The following DCC variants were observed in gnomAD, a reference collection of about 807,000 sequenced individuals.
DCC encodes netrin receptor DCC.
In DCC, 58 loss-of-function variants were observed where a neutral mutation model predicts 172.5. The ratio of observed to expected loss-of-function variants is 0.34; its 90% CI spans 0.27 to 0.42. The LOEUF (loss-of-function observed/expected upper bound fraction) is 0.42, where lower values mean the gene tolerates loss of function less well. Among genes scored for constraint, DCC ranks in the 10% least tolerant of loss-of-function variants. The pLI, the probability that DCC is intolerant of heterozygous loss-of-function variation, is 1.00. For synonymous variants in DCC, 709 were observed against 644.5 expected (o/e 1.10, Z -1.52); for missense variants, 1,740 against 1,791.0 (o/e 0.97, Z 0.51).
At chr18:53,453,546 GT>G (rs34090148) in intron 23 of DCC, among the ~76,000 whole-genome samples, 73,292 of 151,884 alleles carry the variant, frequency 0.48, 18,719 homozygotes, top group Non-Finnish European at 0.58. Flanking sequence ...TCTTATTCAG[GT>G]TAAGTGTCTA....
intron 1 of DCC, among the ~76,000 whole-genome samples, chr18:52,448,083 G>A (rs114572142): frequency 0.026 from 3,947 of 152,224 alleles, 138 homozygotes; most frequent in African/African-American, 0.077. Context: ...TAGGAACCGG[G>A]CCGCACAGCA....
Position 52,426,236 on chromosome 18 carries a change from T to C in DCC, c.91+85358T>C, listed in dbSNP as rs1357072958. ...TATCATCTCCACGGCAATGAGAACA[T>C]AATGAAGGTGGCTGATTGTGCATGA... On this transcript the variant is annotated intron_variant, in intron 1 of 28. Coordinates refer to ENST00000442544, the MANE Select transcript of DCC (RefSeq NM_005215.4). Among the ~76,000 whole-genome samples the C allele has an allele frequency of 3.3e-5, 5 of 151,858 alleles. No individual in the cohort carries two copies. In the South Asian group the frequency reaches 6.2e-4, roughly 19 times the overall value.
At chr18:52,649,945 TGGG>T (rs2035096763) in intron 1 of DCC, among the ~76,000 whole-genome samples, 1 of 151,064 alleles carries the variant, frequency 6.6e-6, no homozygotes. Context: ...CACCCAGCAG[TGGG>T]ATTTCTGAAT....
chr18:52,623,675 T>G (rs1453263083), intron 1 of DCC, among the ~76,000 whole-genome samples: 1 of 152,152 alleles, frequency 6.6e-6, no homozygotes, highest in African/African-American at 2.4e-5. Flanking sequence ...CTAAACAAGG[T>G]TATTCAAGGA....
intron 1 of DCC, among the ~76,000 whole-genome samples, chr18:52,738,396 T>C (rs2036761299): frequency 6.6e-6 from 1 of 152,190 alleles, no homozygotes; most frequent in Non-Finnish European, 1.5e-5. Flanking sequence ...CAGCATGTTA[T>C]TGTACTAAAT....
intron 7 of DCC, among the ~76,000 whole-genome samples, chr18:53,129,991 C>T (rs1187995829): frequency 6.6e-6 from 1 of 152,044 alleles, no homozygotes; most frequent in East Asian, 1.9e-4. Context: ...GAAGCCTATT[C>T]ATCTTCATCA....
chr18:53,273,754 T>A (rs1406336064), intron 12 of DCC, among the ~76,000 whole-genome samples: 1 of 151,886 alleles, frequency 6.6e-6, no homozygotes, highest in South Asian at 2.1e-4. Flanking sequence ...TTACCCCAGT[T>A]ATTTCAATAT....
chr18:52,591,787 C>CTT (rs370150482), intron 1 of DCC, among the ~76,000 whole-genome samples: 2,417 of 125,098 alleles, frequency 0.019, 41 homozygotes, highest in South Asian at 0.03. Context: ...TTATTTATTT[C>CTT]TTTTTTTTTT....
chr18:53,524,700 T>C (rs1383411414), intron 27 of DCC, among the ~76,000 whole-genome samples: 2 of 152,050 alleles, frequency 1.3e-5, no homozygotes, highest in African/African-American at 4.8e-5. Flanking sequence ...TTATAGTCCT[T>C]GAACTAGATT....
At chr18:53,067,677 C>A (rs1311228416) in intron 7 of DCC, among the ~76,000 whole-genome samples, 6 of 152,144 alleles carry the variant, frequency 3.9e-5, no homozygotes, top group Admixed American at 3.3e-4. Flanking sequence ...AAAACAGGGA[C>A]AAGACAGTTG....
intron 20 of DCC, 44 bp downstream of exon 20, chr18:53,410,690 G>T (rs759078308): frequency 1.6e-6 from 2 of 1,241,582 alleles, no homozygotes; most frequent in Non-Finnish European, 2.4e-6. Context: ...CTGTGGGATT[G>T]TTATAAAATA....
intron 12 of DCC, among the ~76,000 whole-genome samples, chr18:53,250,927 C>A (rs2056422821): frequency 6.6e-6 from 1 of 151,936 alleles, no homozygotes; most frequent in Non-Finnish European, 1.5e-5. Flanking sequence ...TCCGTGACCT[C>A]TATGCTGTTC....
Position 52,610,198 on chromosome 18 carries a change from T to A in DCC, c.92-141856T>A, listed in dbSNP as rs560836651. 3.1e-3 allele frequency among the ~76,000 whole-genome samples: 112 copies of A among 35,566 alleles called. 9 individuals are homozygous for A. Among genetic ancestry groups the A allele is most frequent in the Non-Finnish European group, 5.2e-3 (96 of 18,422 alleles). The allele number at this position is 35,566 out of a possible 152,430, so 23.3% of individuals were successfully genotyped here. Reference sequence around the variant, plus strand: ...AAAAAAATATATATATATATATATATATATATATATATATATATATATATA... The same window carrying A: ...AAAAAAATATATATATATATATATAAATATATATATATATATATATATATA... On this transcript the variant is annotated intron_variant, in intron 1 of 28. Coordinates refer to ENST00000442544, the MANE Select transcript of DCC (RefSeq NM_005215.4).
At chr18:52,662,084 T>C (rs2035370329) in intron 1 of DCC, among the ~76,000 whole-genome samples, 1 of 152,212 alleles carries the variant, frequency 6.6e-6, no homozygotes, top group African/African-American at 2.4e-5. Flanking sequence ...TCTAGGACAG[T>C]GATTCTCTAA....
At chr18:52,819,257 A>G (rs778702452) in intron 2 of DCC, among the ~76,000 whole-genome samples, 10 of 152,210 alleles carry the variant, frequency 6.6e-5, no homozygotes, top group Non-Finnish European at 1.0e-4. Flanking sequence ...CATTGGTTCT[A>G]AAATATGCTT....
intron 3 of DCC, among the ~76,000 whole-genome samples, chr18:52,921,705 A>AAATAATAAT (rs71175538): frequency 4.1e-5 from 6 of 146,854 alleles, no homozygotes; most frequent in Admixed American, 1.4e-4. Context: ...TCAAAAATAA[A>AAATAATAAT]AATAATAATA....
At position 53,001,945 on chromosome 18, in the gene DCC, G is replaced by A. The variant is rs541988898; in HGVS notation, c.986-61360G>A. Among the ~76,000 whole-genome samples the A allele has an allele frequency of 3.3e-5, 5 of 152,144 alleles. No homozygotes were observed. The South Asian group carries it at 6.2e-4, about 19-fold the overall frequency. ...TGGAGTAGTAAAAGAAACATTGCTA[G>A]CCTTTACCCCATGAAAAACACAATA... On this transcript the variant is annotated intron_variant, in intron 5 of 28. Coordinates refer to ENST00000442544, the MANE Select transcript of DCC (RefSeq NM_005215.4).
intron 15 of DCC, among the ~76,000 whole-genome samples, chr18:53,382,547 T>C (rs1188551863): frequency 6.6e-6 from 1 of 152,114 alleles, no homozygotes; most frequent in African/African-American, 2.4e-5. Flanking sequence ...ATAGCATTCA[T>C]AAGCTATATC....
intron 1 of DCC, among the ~76,000 whole-genome samples, chr18:52,470,139 A>G (rs1198157529): frequency 6.6e-6 from 1 of 152,236 alleles, no homozygotes; most frequent in Non-Finnish European, 1.5e-5. Context: ...TGCCGGAAAT[A>G]GATGGGAAAA....
Sources: gnomAD v4.1 joint callset for allele counts (sites outside exome capture counted in the v4.1 genomes callset) on GRCh38, gnomAD v4.1.1 for gene constraint, MANE v1.5 for transcripts, NCBI Gene and HGNC (gene_info 2026-07-23, HGNC 2026-07-21) for gene names.